NGRN: variants seen among roughly 807,000 people sequenced by gnomAD.
NGRN encodes the protein neugrin.
NGRN carries 12 observed loss-of-function variants against 13.1 expected under a neutral mutation model. That is an observed-to-expected ratio of 0.92 (90% CI 0.59 to 1.49). The LOEUF is 1.49. Ranked by LOEUF, NGRN falls within the 40% of genes most tolerant of loss-of-function variation. The pLI is 0.00. For synonymous variants in NGRN, 149 were observed against 145.8 expected, an observed-to-expected ratio of 1.02 and a Z score of -0.16; for missense variants, 397 against 357.0, an observed-to-expected ratio of 1.11 and a Z score of -0.90.
In NGRN at chr15:90,271,791, C is replaced by A; in HGVS notation, c.*3C>A. ...GGAACTTCCTGTACAGAATTTGAGTCGGGGCTTGGCTTATGGAGATGCCTC... is the reference window on the plus strand; with the variant it reads ...GGAACTTCCTGTACAGAATTTGAGTAGGGGCTTGGCTTATGGAGATGCCTC... On this transcript the variant is annotated 3_prime_UTR_variant, in exon 3 of 3. Coordinates refer to ENST00000379095, the MANE Select transcript of NGRN (RefSeq NM_001033088.3). 6.2e-7 allele frequency: 1 copy of A among 1,612,910 alleles called. No homozygotes were observed. The highest frequency in any genetic ancestry group is 8.5e-7 in the Non-Finnish European group (1 of 1,179,162).
chr15:90,268,286 A>G (rs1323358533), intron 2 of NGRN, among the ~76,000 whole-genome samples: 1 of 152,066 alleles, frequency 6.6e-6, no homozygotes, highest in Admixed American at 6.6e-5. Context: ...TACAGGCATG[A>G]GCCACCATGC....
chr15:90,270,820 T>C (rs1177396320), intron 2 of NGRN, among the ~76,000 whole-genome samples: 1 of 152,186 alleles, frequency 6.6e-6, no homozygotes, highest in East Asian at 1.9e-4. Flanking sequence ...CATTTGCGGT[T>C]TTTCAAGCTC....
At chr15:90,266,067 T>G (rs1400552817) in intron 1 of NGRN, 191 bp downstream of exon 1, 24 of 1,423,136 alleles carry the variant, frequency 1.7e-5, no homozygotes, top group Non-Finnish European at 2.1e-5. Flanking sequence ...ATTAGTGACG[T>G]ATTTCATCAT....
chr15:90,266,733 C>T (rs142802843), intron 2 of NGRN, among the ~76,000 whole-genome samples: 1 of 151,894 alleles, frequency 6.6e-6, no homozygotes, highest in African/African-American at 2.4e-5. Context: ...TAGTTTTTAA[C>T]GTTATGACGT....
In NGRN at chr15:90,269,920, T is replaced by C. The variant is rs147011200; in HGVS notation, c.276-1268T>C. ...AGTACCAAGTTGTACTATTTGACTT[T>C]CTTAAAATATTTCTCAACTCACTTT... On this transcript the variant is annotated intron_variant, in intron 2 of 2. Transcript: ENST00000379095. Among the ~76,000 whole-genome samples the C allele has an allele frequency of 4.6e-5, 7 of 152,360 alleles. No homozygotes were observed. In the East Asian group the frequency reaches 1.2e-3, roughly 25 times the overall value.
chr15:90,267,495 A>C (rs1395867956), intron 2 of NGRN, among the ~76,000 whole-genome samples: 3 of 152,118 alleles, frequency 2.0e-5, no homozygotes, highest in Non-Finnish European at 4.4e-5. Context: ...TTATTTAAAC[A>C]ATTTTTTCTC....
At position 90,271,721 on chromosome 15, in the gene NGRN, G is replaced by A; in HGVS notation, c.809G>A (p.Ser270Asn). ...ELKAEEPDNF[S>N]SKVVQRGREF... ...AAGGCAGAGGAGCCAGATAACTTCA[G>A]CAGCAAAGTAGTGCAGAGGGGCCGA... The change falls in exon 3 of 3, where the codon AGC (serine) becomes AAC (asparagine). Residue 270 changes from serine to asparagine, a missense_variant. Transcript: ENST00000379095. The A allele has an allele frequency of 6.2e-7, 1 of 1,614,198 alleles. No individual in the cohort carries two copies. Among genetic ancestry groups the A allele is most frequent in the Non-Finnish European group, 8.5e-7 (1 of 1,180,044 alleles).
intron 2 of NGRN, among the ~76,000 whole-genome samples, chr15:90,267,557 T>C (rs1377739153): frequency 3.3e-5 from 5 of 152,184 alleles, no homozygotes; most frequent in African/African-American, 9.7e-5. Context: ...ACCAGGCTGG[T>C]CTCAAACTTC....
At chr15:90,267,014 A>T (rs1259091110) in intron 2 of NGRN, among the ~76,000 whole-genome samples, 1 of 142,458 alleles carries the variant, frequency 7.0e-6, no homozygotes, top group Non-Finnish European at 1.5e-5. Flanking sequence ...TGTCCCACCC[A>T]CTCTCCTGTG....
rs1051028325 is a variant in NGRN, at chr15:90,272,187, CAAAAT to C, written c.*403_*407del. 3 of 200,286 alleles carry C rather than the reference CAAAAT, an allele frequency of 1.5e-5. No individual in the cohort carries two copies. Among genetic ancestry groups the C allele is most frequent in the African/African-American group, 6.9e-5 (3 of 43,492 alleles). 12.4% of individuals were successfully genotyped at this position (200,286 alleles called of 1,614,324 possible). ...CTTAGTCAATTGGTTTTCCTTACAA[CAAAAT>C]AAAGTAAAATGTAGCAGTCTGCCTC... On this transcript the variant is annotated 3_prime_UTR_variant, in exon 3 of 3. Transcript: ENST00000379095.
intron 2 of NGRN, among the ~76,000 whole-genome samples, chr15:90,268,393 GAA>G (rs869079566): frequency 0.016 from 602 of 37,526 alleles, 6 homozygotes; most frequent in Admixed American, 0.031. Flanking sequence ...CTTTTAAGAG[GAA>G]AAAAAAAAAA....
At chr15:90,271,075 T>G (rs1963494496) in intron 2 of NGRN, 113 bp from the exon 3 acceptor site, 1 of 1,236,026 alleles carries the variant, frequency 8.1e-7, no homozygotes, top group South Asian at 1.5e-5. Flanking sequence ...GGATTACAGG[T>G]GTGAGCCACC....
At chr15:90,270,755 AACTAGCACAAGATAGGG>A (rs372140009) in intron 2 of NGRN, among the ~76,000 whole-genome samples, 2,148 of 152,326 alleles carry the variant, frequency 0.014, 37 homozygotes, top group African/African-American at 0.046. Context: ...ACAGCCATTT[AACTAGCACAAGATAGGG>A]ACTAGCACAA....
chr15:90,268,775 C>T (rs1405584679), intron 2 of NGRN, among the ~76,000 whole-genome samples: 1 of 151,724 alleles, frequency 6.6e-6, no homozygotes, highest in African/African-American at 2.4e-5. Flanking sequence ...CTTGTAAAAA[C>T]TGCCTTTTAA....
At chr15:90,268,297 C>T (rs1963457390) in intron 2 of NGRN, among the ~76,000 whole-genome samples, 2 of 152,164 alleles carry the variant, frequency 1.3e-5, no homozygotes, top group South Asian at 4.2e-4. Flanking sequence ...GCCACCATGC[C>T]GGCCTCTATC....
intron 2 of NGRN, among the ~76,000 whole-genome samples, 172 bp downstream of exon 2, chr15:90,266,570 C>T (rs1274683647): frequency 1.3e-5 from 2 of 152,180 alleles, no homozygotes; most frequent in Non-Finnish European, 2.9e-5. Context: ...CTAACCCTGT[C>T]ATTATCTAGA....
At position 90,265,789 on chromosome 15, in the gene NGRN, G is replaced by C. The variant is rs922612764; in HGVS notation, c.77G>C (p.Gly26Ala). The change falls in exon 1 of 3, where the codon GGG becomes GCG. Residue 26 changes from glycine (G) to alanine (A), a missense_variant. Transcript: ENST00000379095. ...AVTRCGFATR[G>A]VAGPGPIGRE... ...ACTCGCTGTGGGTTCGCGACCCGGGGGGTGGCGGGCCCAGGCCCTATTGGC... is the reference window on the plus strand; with the variant it reads ...ACTCGCTGTGGGTTCGCGACCCGGGCGGTGGCGGGCCCAGGCCCTATTGGC... 1 of 1,612,714 alleles carries C rather than the reference G, an allele frequency of 6.2e-7. No individual in the cohort carries two copies. Among genetic ancestry groups the C allele is most frequent in the East Asian group, 2.2e-5 (1 of 44,852 alleles).
chr15:90,271,745 G>A lies in NGRN; in HGVS notation c.833G>A (p.Arg278Gln), dbSNP rs1304181223. 9.9e-6 allele frequency: 16 copies of A among 1,614,062 alleles called. No individual in the cohort carries two copies. The African/African-American group carries it at 1.2e-4, about 12-fold the overall frequency. ...AGCAGCAAAGTAGTGCAGAGGGGCC[G>A]AGAGTTCTTTGACAGCAACGGGAAC... is the stretch of plus-strand genomic sequence containing the variant. ...NFSSKVVQRG[R>Q]EFFDSNGNFL... is the part of the protein sequence containing the mutation. Residue 278 changes from arginine (R) to glutamine (Q), a missense_variant, in exon 3 of 3, where the codon CGA becomes CAA. Physicochemically the swap from Arg to Gln is conservative, Grantham distance 43 (BLOSUM62 1). Transcript: ENST00000379095.
intron 2 of NGRN, 103 bp downstream of exon 2, chr15:90,266,501 GT>G: frequency 1.2e-6 from 1 of 858,080 alleles, no homozygotes; most frequent in Non-Finnish European, 1.8e-6. Flanking sequence ...TTATATTTTC[GT>G]TTACTTTTTG....
Sources: gnomAD v4.1 joint callset for allele counts (sites outside exome capture counted in the v4.1 genomes callset) on GRCh38, gnomAD v4.1.1 for gene constraint, MANE v1.5 for transcripts, NCBI Gene and HGNC (gene_info 2026-07-23, HGNC 2026-07-21) for gene names.